Variants in C5orf34 observed in about 807,000 individuals in gnomAD.
The protein encoded by C5orf34 is chromosome 5 open reading frame 34.
A neutral mutation model predicts 78.4 loss-of-function variants in C5orf34; 73 were observed. The ratio of observed to expected loss-of-function variants is 0.93; its 90% CI spans 0.77 to 1.13. C5orf34 has a LOEUF of 1.13. Ranked by LOEUF, C5orf34 falls within the 50% of genes most tolerant of loss-of-function variation. The pLI is 0.00. For missense variants in C5orf34, 730 were observed against 732.7 expected, an observed-to-expected ratio of 1.00 and a Z score of 0.04; for synonymous variants, 251 against 246.6, an observed-to-expected ratio of 1.02 and a Z score of -0.17.
chr5:43,503,589 A>T (rs1745854093), intron 5 of C5orf34, 76 bp downstream of exon 5: 1 of 956,526 alleles, frequency 1.0e-6, no homozygotes, highest in Admixed American at 1.7e-5. Context: ...GTCTGTCTAT[A>T]AGGCTCGTCC....
At position 43,486,833 on chromosome 5, in the gene C5orf34, T is replaced by G; in HGVS notation, c.*82A>C. 2.7e-6 allele frequency: 2 copies of G among 750,556 alleles called. No homozygotes were observed. Among genetic ancestry groups the G allele is most frequent in the Middle Eastern group, 4.0e-4 (1 of 2,518 alleles). 46.5% of individuals were successfully genotyped at this position (750,556 alleles called of 1,614,324 possible). On this transcript the variant is annotated 3_prime_UTR_variant, in exon 13 of 13. Coordinates refer to ENST00000306862, the MANE Select transcript of C5orf34 (RefSeq NM_198566.4). ...TTGTGCCGGGGTAATACGTACAATA[T>G]CTTGGCTTACTAGTAATTTTATACC...
chr5:43,509,162 C>A lies in C5orf34; in HGVS notation c.178G>T (p.Val60Phe), dbSNP rs766738317. ...PERIRQRTHF[V>F]ISTYREQLQR... ...TTACTTACTCTGTAAGTGCTAATGA[C>A]AAAATGTGTCCTTTGACGAATTCTT... The change falls in exon 2 of 13, where the codon GTC becomes TTC. Residue 60 changes from valine (V) to phenylalanine (F), a missense_variant. Physicochemically the swap from Val to Phe is conservative, Grantham distance 50. Transcript: ENST00000306862. 3.1e-6 allele frequency: 5 copies of A among 1,612,980 alleles called. No homozygotes were observed. Among genetic ancestry groups the A allele is most frequent in the Non-Finnish European group, 4.2e-6 (5 of 1,179,668 alleles).
chr5:43,492,108 C>A, intron 10 of C5orf34, 107 bp downstream of exon 10: 1 of 687,208 alleles, frequency 1.5e-6, no homozygotes, highest in Admixed American at 3.1e-5. Flanking sequence ...TTATTATCCA[C>A]ATGGAAAAAC....
chr5:43,510,615 AT>A, intron 1 of C5orf34, among the ~76,000 whole-genome samples: 2 of 152,048 alleles, frequency 1.3e-5, no homozygotes, highest in Admixed American at 1.3e-4. Context: ...TGGTTTTCAT[AT>A]TTTTTTGGTG....
In C5orf34 at chr5:43,486,773, A is replaced by T. The variant is rs1745086425; in HGVS notation, c.*142T>A. Reference sequence around the variant, plus strand: ...TTTTAAAAATGTACAAGTTAAAAATACCTTCAAAGTTAAATGTCAGTTCTT... The same window carrying T: ...TTTTAAAAATGTACAAGTTAAAAATTCCTTCAAAGTTAAATGTCAGTTCTT... On this transcript the variant is annotated 3_prime_UTR_variant, in exon 13 of 13. Coordinates refer to ENST00000306862, the MANE Select transcript of C5orf34 (RefSeq NM_198566.4). 1 of 419,232 alleles carries T rather than the reference A, an allele frequency of 2.4e-6. No individual in the cohort carries two copies. The highest frequency in any genetic ancestry group is 4.3e-6 in the Non-Finnish European group (1 of 234,428). 26.0% of individuals were successfully genotyped at this position (419,232 alleles called of 1,614,324 possible).
chr5:43,506,786 C>A, intron 3 of C5orf34, among the ~76,000 whole-genome samples: 1 of 150,632 alleles, frequency 6.6e-6, no homozygotes. Context: ...ATATTAAAAG[C>A]AATCATAGCT....
At chr5:43,496,157 T>A in intron 6 of C5orf34, 1 of 1,503,204 alleles carries the variant, frequency 6.7e-7, no homozygotes, top group Non-Finnish European at 9.1e-7. Context: ...ATCATGTTTT[T>A]GATGAAGTCT....
At chr5:43,493,465 C>G in intron 8 of C5orf34, 78 bp downstream of exon 8, 2 of 852,276 alleles carry the variant, frequency 2.3e-6, no homozygotes, top group Non-Finnish European at 3.8e-6. Flanking sequence ...TAGAGGAAAA[C>G]TGTTTGAACT....
At chr5:43,511,736 C>CTT (rs1746269633) in intron 1 of C5orf34, among the ~76,000 whole-genome samples, 1 of 152,126 alleles carries the variant, frequency 6.6e-6, no homozygotes, top group African/African-American at 2.4e-5. Flanking sequence ...TACCCCCAAC[C>CTT]CTGTGCTCTC....
Position 43,492,785 on chromosome 5 carries a change from T to C in C5orf34, c.1420A>G (p.Ile474Val), listed in dbSNP as rs1207715155. The C allele has an allele frequency of 1.9e-6, 3 of 1,613,268 alleles. No homozygotes were observed. Among genetic ancestry groups the C allele is most frequent in the Non-Finnish European group, 1.7e-6 (2 of 1,179,476 alleles). Residue 474 changes from isoleucine (I) to valine (V), a missense_variant, in exon 9 of 13, where the codon ATC becomes GTC. By Grantham distance (29) the Ile-to-Val change is conservative (BLOSUM62 3). Transcript: ENST00000306862. Reference protein sequence around the residue: ...LAYSDDKVHAIFLDGITLTLN... With the variant: ...LAYSDDKVHAVFLDGITLTLN... Reference sequence around the variant, plus strand: ...GTTAGAGTAATGCCATCTAAAAAGATAGCATGTACTTTGTCATCAGAGTAG... The same window carrying C: ...GTTAGAGTAATGCCATCTAAAAAGACAGCATGTACTTTGTCATCAGAGTAG...
chr5:43,513,961 G>A (rs955909324), intron 1 of C5orf34, among the ~76,000 whole-genome samples: 7 of 152,178 alleles, frequency 4.6e-5, no homozygotes, highest in South Asian at 4.1e-4. Flanking sequence ...ATATGTAACA[G>A]TATCTCTGGC....
intron 12 of C5orf34, among the ~76,000 whole-genome samples, chr5:43,487,525 T>A (rs1745113215): frequency 6.6e-6 from 1 of 152,094 alleles, no homozygotes; most frequent in Non-Finnish European, 1.5e-5. Context: ...TGAATAAGAT[T>A]AGAGAAAAAC....
chr5:43,495,373 A>G, intron 6 of C5orf34: 11 of 1,611,846 alleles, frequency 6.8e-6, no homozygotes, highest in Non-Finnish European at 9.3e-6. Flanking sequence ...CCGCGTGGCA[A>G]TCCAATATAG....
intron 6 of C5orf34, among the ~76,000 whole-genome samples, chr5:43,498,098 A>G (rs1421098666): frequency 6.6e-6 from 1 of 152,126 alleles, no homozygotes; most frequent in Non-Finnish European, 1.5e-5. Flanking sequence ...TACAACTTCA[A>G]TTTAATAGTT....
Position 43,490,666 on chromosome 5 carries a change from G to T in C5orf34, c.1644C>A (p.Pro548=), listed in dbSNP as rs1561206306. 2 of 1,610,910 alleles carry T rather than the reference G, an allele frequency of 1.2e-6. No homozygotes were observed. ...GGAGAACAGAAGATGACGAATGAGT[G>T]GGCATCTCTCTGGGACTAGTCTGGG... ...RLTQTSPREM[P]THSSSSVLQE... is the part of the protein sequence containing the mutation. Residue 548 remains proline (P), a synonymous_variant, in exon 11 of 13, where the codon CCC becomes CCA. Coordinates refer to ENST00000306862, the MANE Select transcript of C5orf34 (RefSeq NM_198566.4).
chr5:43,500,448 T>C (rs1208320907), intron 6 of C5orf34, among the ~76,000 whole-genome samples: 1 of 152,222 alleles, frequency 6.6e-6, no homozygotes, highest in African/African-American at 2.4e-5. Context: ...TAGACTGGTG[T>C]GCAGTGGTGT....
intron 6 of C5orf34, chr5:43,495,618 C>T: frequency 6.2e-7 from 1 of 1,606,416 alleles, no homozygotes; most frequent in Non-Finnish European, 8.5e-7. Context: ...TTGACTGGAG[C>T]AAAGGTGACC....
intron 6 of C5orf34, chr5:43,496,440 C>T: frequency 6.3e-7 from 1 of 1,583,588 alleles, no homozygotes; most frequent in Non-Finnish European, 8.5e-7. Context: ...TGATATGAGT[C>T]TTTTCCTTTC....
intron 6 of C5orf34, among the ~76,000 whole-genome samples, chr5:43,498,305 G>C (rs1311431823): frequency 2.0e-5 from 3 of 152,046 alleles, no homozygotes; most frequent in Admixed American, 6.5e-5. Context: ...TTATTTCCAA[G>C]ACCCTATTTC....
Sources: gnomAD v4.1 joint callset for allele counts (sites outside exome capture counted in the v4.1 genomes callset) on GRCh38, gnomAD v4.1.1 for gene constraint, MANE v1.5 for transcripts, NCBI Gene and HGNC (gene_info 2026-07-23, HGNC 2026-07-21) for gene names.